Variants in PCDHGB7 observed in about 807,000 individuals in gnomAD.
PCDHGB7 encodes protocadherin gamma subfamily B, 7, also known as protocadherin gamma-B7.
A neutral mutation model predicts 61.4 loss-of-function variants in PCDHGB7; 37 were observed. The ratio of observed to expected loss-of-function variants is 0.60; its 90% CI spans 0.46 to 0.79. The LOEUF (loss-of-function observed/expected upper bound fraction) is 0.79. Among genes scored for constraint, PCDHGB7 ranks in the 30% least tolerant of loss-of-function variants. PCDHGB7 has a pLI of 0.00. For synonymous variants in PCDHGB7, 464 were observed against 503.5 expected, an observed-to-expected ratio of 0.92 and a Z score of 1.05; for missense variants, 1,166 against 1,202.5, an observed-to-expected ratio of 0.97 and a Z score of 0.45.
In PCDHGB7 at chr5:141,476,599, TC is replaced by T; in HGVS notation, c.2416-18205del. The T allele has an allele frequency of 6.2e-7, 1 of 1,614,210 alleles. No individual in the cohort carries two copies. ...GCTTTCCGCTCGAGAGCGCGCACGA[TC>T]CCGATGTGGGAAGCAACTCTTTACA... is the stretch of plus-strand genomic sequence containing the variant. On this transcript the variant is annotated intron_variant, in intron 1 of 3. Transcript: ENST00000398594. This position sits in a 1 kb window ranked among gnomAD's most constrained non-coding sequence, Gnocchi z 7.6.
In PCDHGB7 at chr5:141,477,815, G is replaced by C; in HGVS notation, c.2416-16992G>C. On this transcript the variant is annotated intron_variant, in intron 1 of 3. Coordinates refer to ENST00000398594, the MANE Select transcript of PCDHGB7 (RefSeq NM_018927.4). The surrounding 1 kb of genome is among the most constrained non-coding windows in gnomAD (Gnocchi z 4.9). ...TGATCGCAATGACAATGCCCCCCAG[G>C]TCCTATATCCTCGGCCAGGTGGGAG... 1 of 1,614,106 alleles carries C rather than the reference G, an allele frequency of 6.2e-7. No homozygotes were observed. Among genetic ancestry groups the C allele is most frequent in the Non-Finnish European group, 8.5e-7 (1 of 1,180,034 alleles).
chr5:141,420,085 C>T lies in PCDHGB7; in HGVS notation c.2226C>T (p.Asn742=). 2 of 1,614,028 alleles carry T rather than the reference C, an allele frequency of 1.2e-6. No individual in the cohort carries two copies. The highest frequency in any genetic ancestry group is 1.6e-4 in the Middle Eastern group (1 of 6,062). Residue 742 remains asparagine, a synonymous_variant, in exon 1 of 4, where the codon AAC becomes AAT. Transcript: ENST00000398594. ...AGTCCGGACCTGTGGGTCCCCCCAA[C>T]TACAGTGAGGGAACGTTGCCCTATG... The part of the protein sequence containing the change: ...CSKSGPVGPP[N]YSEGTLPYAY...
Position 141,490,320 on chromosome 5 carries a change from A to G in PCDHGB7, c.2416-4487A>G. The G allele has an allele frequency of 6.2e-7, 1 of 1,614,228 alleles. No individual in the cohort carries two copies. The highest frequency in any genetic ancestry group is 1.1e-5 in the South Asian group (1 of 91,088). ...TGGCCTCTTTGGCCAACCCTGTCCT[A>G]GAGAGCACACCAGTGGGCACAGTAG... On this transcript the variant is annotated intron_variant, in intron 1 of 3. Transcript: ENST00000398594. The surrounding 1 kb of genome is among the most constrained non-coding windows in gnomAD (Gnocchi z 5.4).
At chr5:141,492,834 G>A (rs544218873) in intron 1 of PCDHGB7, among the ~76,000 whole-genome samples, 7 of 152,214 alleles carry the variant, frequency 4.6e-5, no homozygotes, top group African/African-American at 1.7e-4. Context: ...CCTTCCTCCC[G>A]CAGGAAGTGA....
intron 1 of PCDHGB7, among the ~76,000 whole-genome samples, chr5:141,438,585 TACATAC>T (rs201018754): frequency 0.16 from 9,805 of 59,734 alleles, 612 homozygotes; most frequent in African/African-American, 0.28. Context: ...CATACATACA[TACATAC>T]ATATATATAT....
At chr5:141,423,150 G>T in intron 1 of PCDHGB7, 1 of 1,613,538 alleles carries the variant, frequency 6.2e-7, no homozygotes, top group Non-Finnish European at 8.5e-7. Flanking sequence ...CGCTCAAGCA[G>T]AGCCTCGTGG....
chr5:141,497,131 A>G (rs1269110126), intron 2 of PCDHGB7, among the ~76,000 whole-genome samples: 3 of 152,122 alleles, frequency 2.0e-5, no homozygotes, highest in Admixed American at 6.6e-5. Flanking sequence ...GGTTGCAGTG[A>G]GCTGAGATCA....
chr5:141,424,504 G>A (rs1357608806), intron 1 of PCDHGB7: 2 of 152,134 alleles, frequency 1.3e-5, no homozygotes, highest in East Asian at 1.9e-4. Flanking sequence ...TGTATGGAAG[G>A]TTTTTTAATG....
At chr5:141,456,421 A>C (rs1358944131) in intron 1 of PCDHGB7, among the ~76,000 whole-genome samples, 1 of 152,150 alleles carries the variant, frequency 6.6e-6, no homozygotes, top group Non-Finnish European at 1.5e-5. Context: ...GAAACAATTC[A>C]AGTTATAGTA....
chr5:141,490,822 C>T lies in PCDHGB7; in HGVS notation c.2416-3985C>T. ...GCGTACCTTTGACTATGAATTGCTG[C>T]AGATGCTGCAGATTGTGGTGGGGGT... On this transcript the variant is annotated intron_variant, in intron 1 of 3. Coordinates refer to ENST00000398594, the MANE Select transcript of PCDHGB7 (RefSeq NM_018927.4). This position sits in a 1 kb window ranked among gnomAD's most constrained non-coding sequence, Gnocchi z 5.4. 2 of 1,613,842 alleles carry T rather than the reference C, an allele frequency of 1.2e-6. No individual in the cohort carries two copies. Among genetic ancestry groups the T allele is most frequent in the Non-Finnish European group, 1.7e-6 (2 of 1,179,790 alleles).
rs775898365 is a variant in PCDHGB7 at position 141,476,425 on chromosome 5, T to C, written c.2416-18382T>C. On this transcript the variant is annotated intron_variant, in intron 1 of 3. Transcript: ENST00000398594. This position sits in a 1 kb window ranked among gnomAD's most constrained non-coding sequence, Gnocchi z 7.6. ...AGGAGCTGTGTGGGACACTGCCCTC[T>C]TGCACTGTAACTCTGGAGTTGGTAG... is the stretch of plus-strand genomic sequence containing the variant. The C allele has an allele frequency of 1.2e-6, 2 of 1,614,108 alleles. No homozygotes were observed. Among genetic ancestry groups the C allele is most frequent in the East Asian group, 4.5e-5 (2 of 44,848 alleles).
At chr5:141,497,722 T>C (rs1395904793) in intron 2 of PCDHGB7, among the ~76,000 whole-genome samples, 1 of 152,030 alleles carries the variant, frequency 6.6e-6, no homozygotes, top group Non-Finnish European at 1.5e-5. Flanking sequence ...GTATTTTTAG[T>C]AGAGATGGGT....
At position 141,490,359 on chromosome 5, in the gene PCDHGB7, T is replaced by A; in HGVS notation, c.2416-4448T>A. On this transcript the variant is annotated intron_variant, in intron 1 of 3. Coordinates refer to ENST00000398594, the MANE Select transcript of PCDHGB7 (RefSeq NM_018927.4). The surrounding 1 kb of genome is among the most constrained non-coding windows in gnomAD (Gnocchi z 5.4). ...TGGGCACAGTAGTGGGGTTGTTTAA[T>A]GTGCGAGACCGGGACTCAGGTAGAA... 6.2e-7 allele frequency: 1 copy of A among 1,614,212 alleles called. No individual in the cohort carries two copies. The highest frequency in any genetic ancestry group is 8.5e-7 in the Non-Finnish European group (1 of 1,180,036).
chr5:141,506,180 G>T (rs548366782), intron 3 of PCDHGB7, among the ~76,000 whole-genome samples: 44 of 152,294 alleles, frequency 2.9e-4, no homozygotes, highest in Non-Finnish European at 5.7e-4. Context: ...GCTGGGCGTG[G>T]TGGCTCACGC....
rs770619389 is a variant in PCDHGB7 at position 141,490,764 on chromosome 5, T to C, written c.2416-4043T>C. On this transcript the variant is annotated intron_variant, in intron 1 of 3. Coordinates refer to ENST00000398594, the MANE Select transcript of PCDHGB7 (RefSeq NM_018927.4). The surrounding 1 kb of genome is among the most constrained non-coding windows in gnomAD (Gnocchi z 5.4). ...GAGCCCCAGCCTCCTCCTTTGTGTA[T>C]GTCAACCCAGAGGATGGACGGATCT... is the stretch of plus-strand genomic sequence containing the variant. 22 of 1,613,970 alleles carry C rather than the reference T, an allele frequency of 1.4e-5. No individual in the cohort carries two copies. Among genetic ancestry groups the C allele is most frequent in the Non-Finnish European group, 1.6e-5 (19 of 1,179,928 alleles).
chr5:141,437,165 T>A (rs62379162), intron 1 of PCDHGB7, among the ~76,000 whole-genome samples: 3,747 of 152,330 alleles, frequency 0.025, 69 homozygotes, highest in Middle Eastern at 0.085. Context: ...TGTTGATTGT[T>A]TTCTGAGACT....
At position 141,494,833 on chromosome 5, in the gene PCDHGB7, T is replaced by C. The variant is rs537340090; in HGVS notation, c.2442T>C (p.Arg814=). 1 of 1,614,094 alleles carries C rather than the reference T, an allele frequency of 6.2e-7. No homozygotes were observed. The highest frequency in any genetic ancestry group is 1.7e-5 in the Admixed American group (1 of 60,014). Residue 814 remains arginine, a synonymous_variant, in exon 2 of 4, where the codon CGT becomes CGC. Coordinates refer to ENST00000398594, the MANE Select transcript of PCDHGB7 (RefSeq NM_018927.4). ...KQQAPPNTDW[R]FSQAQRPGTS... Reference sequence around the variant, plus strand: ...AAGCCCCGCCCAACACGGACTGGCGTTTCTCTCAGGCCCAGAGACCCGGCA... The same window carrying C: ...AAGCCCCGCCCAACACGGACTGGCGCTTCTCTCAGGCCCAGAGACCCGGCA...
At chr5:141,437,345 A>T (rs1018513998) in intron 1 of PCDHGB7, among the ~76,000 whole-genome samples, 2 of 152,252 alleles carry the variant, frequency 1.3e-5, no homozygotes, top group Non-Finnish European at 2.9e-5. Context: ...TCACTGTTTT[A>T]TAGTACCTAA....
intron 1 of PCDHGB7, chr5:141,441,116 C>G (rs1358636787): frequency 3.3e-5 from 5 of 152,156 alleles, no homozygotes; most frequent in Non-Finnish European, 7.3e-5. Context: ...GTCCAGTGTA[C>G]AGTTGAGACC....
Sources: allele counts gnomAD v4.1 joint callset (sites outside exome capture counted in the v4.1 genomes callset), GRCh38; gene constraint gnomAD v4.1.1; non-coding constraint Gnocchi (gnomAD v3.1); transcripts MANE v1.5; gene names NCBI Gene and HGNC (gene_info 2026-07-23, HGNC 2026-07-21).